The following BCHE variants were observed in gnomAD, a reference collection of about 807,000 sequenced individuals.
BCHE encodes butyrylcholinesterase.
In BCHE, 48 loss-of-function variants were observed where a neutral mutation model predicts 51.3. The observed-to-expected ratio is 0.94, with a 90% CI of 0.74 to 1.19. BCHE has a LOEUF of 1.19. BCHE is among the 50% of genes most tolerant of loss of function. BCHE has a pLI of 0.00. For missense variants in BCHE, 847 were observed against 708.2 expected (o/e 1.20, Z -2.23); for synonymous variants, 251 against 238.0 (o/e 1.05, Z -0.50).
intron 2 of BCHE, among the ~76,000 whole-genome samples, chr3:165,811,350 G>A (rs1286239433): frequency 6.6e-6 from 1 of 152,020 alleles, no homozygotes; most frequent in African/African-American, 2.4e-5. Context: ...AAACCAGGCT[G>A]ATAAAAAAGT....
intron 3 of BCHE, among the ~76,000 whole-genome samples, chr3:165,783,258 C>T (rs143922738): frequency 1.8e-3 from 280 of 152,020 alleles, no homozygotes; most frequent in African/African-American, 6.4e-3. Context: ...ATTGTTCTGT[C>T]GTAATTTTGA....
intron 1 of BCHE, among the ~76,000 whole-genome samples, chr3:165,831,715 G>A (rs1714994720): frequency 6.6e-6 from 1 of 152,054 alleles, no homozygotes. Flanking sequence ...TAACAAACAT[G>A]CTACCACTAG....
intron 1 of BCHE, among the ~76,000 whole-genome samples, chr3:165,834,826 T>C (rs1229816216): frequency 1.3e-5 from 2 of 151,860 alleles, no homozygotes; most frequent in Non-Finnish European, 2.9e-5. Context: ...TTAGGGTACA[T>C]GTGCACAACG....
chr3:165,794,179 G>T (rs1052708826), intron 2 of BCHE, among the ~76,000 whole-genome samples: 1 of 151,700 alleles, frequency 6.6e-6, no homozygotes, highest in Admixed American at 6.6e-5. Flanking sequence ...ATATTAATCC[G>T]TGAATGCATT....
intron 2 of BCHE, among the ~76,000 whole-genome samples, chr3:165,816,788 T>G (rs992325948): frequency 2.0e-5 from 3 of 151,976 alleles, no homozygotes; most frequent in African/African-American, 7.2e-5. Context: ...CTCTACAGTT[T>G]TTTCTTCCTC....
chr3:165,805,620 A>G (rs1713837846), intron 2 of BCHE, among the ~76,000 whole-genome samples: 2 of 152,224 alleles, frequency 1.3e-5, no homozygotes, highest in South Asian at 4.1e-4. Flanking sequence ...GATCTGAGAT[A>G]CAGCACAGAT....
At chr3:165,827,125 C>T (rs951441178) in intron 2 of BCHE, among the ~76,000 whole-genome samples, 3 of 152,094 alleles carry the variant, frequency 2.0e-5, no homozygotes, top group African/African-American at 7.2e-5. Flanking sequence ...CACTGCCGTT[C>T]ACTTAATTAT....
At chr3:165,788,955 A>G (rs1713065234) in intron 2 of BCHE, among the ~76,000 whole-genome samples, 1 of 151,648 alleles carries the variant, frequency 6.6e-6, no homozygotes, top group Non-Finnish European at 1.5e-5. Context: ...CAAAATAACA[A>G]GAGAGACAAT....
At chr3:165,790,994 T>C (rs932094286) in intron 2 of BCHE, among the ~76,000 whole-genome samples, 4 of 151,894 alleles carry the variant, frequency 2.6e-5, no homozygotes, top group Non-Finnish European at 5.9e-5. Context: ...TTGGAGGGTT[T>C]GCACAAAGAA....
intron 2 of BCHE, among the ~76,000 whole-genome samples, chr3:165,811,851 G>A (rs1243829853): frequency 1.3e-5 from 2 of 151,942 alleles, no homozygotes; most frequent in Non-Finnish European, 2.9e-5. Context: ...AAGGTAGCTA[G>A]GTGGTCTAGT....
At chr3:165,818,386 TTAG>T (rs1714385592) in intron 2 of BCHE, among the ~76,000 whole-genome samples, 1 of 152,090 alleles carries the variant, frequency 6.6e-6, no homozygotes, top group Admixed American at 6.6e-5. Flanking sequence ...TTTTCTGATT[TTAG>T]GACTACTAAA....
rs182119550 is a variant in BCHE, at chr3:165,798,844, G to A, written c.1518-12533C>T. On this transcript the variant is annotated intron_variant, in intron 2 of 3. Coordinates refer to ENST00000264381, the MANE Select transcript of BCHE (RefSeq NM_000055.4). ...ATCTGAACAAAAAAAGAAGTAAGCAGTCTTCTCATGCAGTTTTTCTAAAAC... is the reference window on the plus strand; with the variant it reads ...ATCTGAACAAAAAAAGAAGTAAGCAATCTTCTCATGCAGTTTTTCTAAAAC... 8.6e-5 allele frequency among the ~76,000 whole-genome samples: 13 copies of A among 151,908 alleles called. No individual in the cohort carries two copies. In the East Asian group the frequency reaches 1.9e-3, roughly 23 times the overall value.
intron 2 of BCHE, among the ~76,000 whole-genome samples, chr3:165,803,751 T>C (rs1320911300): frequency 6.6e-6 from 1 of 152,004 alleles, no homozygotes; most frequent in Admixed American, 6.6e-5. Flanking sequence ...TTAACTGAAG[T>C]GGGGAAGTAT....
chr3:165,826,332 T>C (rs967858180), intron 2 of BCHE, among the ~76,000 whole-genome samples: 1 of 152,066 alleles, frequency 6.6e-6, no homozygotes, highest in Non-Finnish European at 1.5e-5. Flanking sequence ...TAAACTACTT[T>C]ACACATACAA....
chr3:165,824,728 T>C (rs1714656069), intron 2 of BCHE, among the ~76,000 whole-genome samples: 1 of 152,008 alleles, frequency 6.6e-6, no homozygotes, highest in South Asian at 2.1e-4. Context: ...TATATTTAGA[T>C]ACTAGCAAAA....
chr3:165,803,860 G>GTT, intron 2 of BCHE, among the ~76,000 whole-genome samples: 1 of 152,278 alleles, frequency 6.6e-6, no homozygotes, highest in East Asian at 1.9e-4. Flanking sequence ...GGTTTAGGAA[G>GTT]AGACCTGGGC....
intron 3 of BCHE, among the ~76,000 whole-genome samples, chr3:165,782,724 A>T (rs1186927935): frequency 6.6e-6 from 1 of 152,270 alleles, no homozygotes; most frequent in East Asian, 1.9e-4. Context: ...ACAATTGAGG[A>T]GGCTTTCCAG....
At chr3:165,784,425 G>C (rs1462921575) in intron 3 of BCHE, among the ~76,000 whole-genome samples, 1 of 151,658 alleles carries the variant, frequency 6.6e-6, no homozygotes, top group Non-Finnish European at 1.5e-5. Context: ...CCTTATTATG[G>C]GGGAATTAAT....
chr3:165,811,973 C>T (rs1422812969), intron 2 of BCHE, among the ~76,000 whole-genome samples: 1 of 151,988 alleles, frequency 6.6e-6, no homozygotes, highest in Non-Finnish European at 1.5e-5. Context: ...TCCGTCTCAT[C>T]TTTCAATCTC....
Sources: gnomAD v4.1 joint callset for allele counts (sites outside exome capture counted in the v4.1 genomes callset) on GRCh38, gnomAD v4.1.1 for gene constraint, MANE v1.5 for transcripts, NCBI Gene and HGNC (gene_info 2026-07-23, HGNC 2026-07-21) for gene names.